Variants in MED12L observed in about 807,000 individuals in gnomAD.
MED12L encodes the protein mediator complex subunit 12L, also known as mediator of RNA polymerase II transcription subunit 12-like protein.
Under a neutral mutation model 281.3 loss-of-function variants are expected in MED12L, and 60 were observed. That is an observed-to-expected ratio of 0.21 (90% CI 0.17 to 0.26). The LOEUF (loss-of-function observed/expected upper bound fraction) is 0.26, where lower values mean the gene tolerates loss of function less well. Ranked by LOEUF, MED12L falls within the 10% of genes least tolerant of loss-of-function variation. The pLI, the probability that MED12L is intolerant of heterozygous loss-of-function variation, is 1.00. For missense variants in MED12L, 2,146 were observed against 2,680.9 expected, an observed-to-expected ratio of 0.80 and a Z score of 4.41; for synonymous variants, 974 against 987.2, an observed-to-expected ratio of 0.99 and a Z score of 0.25.
chr3:151,403,933 G>A (rs1011391027), intron 39 of MED12L, among the ~76,000 whole-genome samples: 4 of 152,120 alleles, frequency 2.6e-5, no homozygotes, highest in South Asian at 4.1e-4. Context: ...ACAGTTTATG[G>A]TATTCAGGGG....
chr3:151,389,252 C>T (rs1166302857), intron 37 of MED12L, among the ~76,000 whole-genome samples: 1 of 152,072 alleles, frequency 6.6e-6, no homozygotes, highest in Non-Finnish European at 1.5e-5. Flanking sequence ...TGAAAAAGCC[C>T]TGAAACCAAT....
intron 36 of MED12L, among the ~76,000 whole-genome samples, chr3:151,387,200 GTT>G (rs35222168): frequency 6.7e-6 from 1 of 148,810 alleles, no homozygotes. Flanking sequence ...GAGGGTAACC[GTT>G]TTTTTTTTTC....
intron 16 of MED12L, among the ~76,000 whole-genome samples, chr3:151,284,794 G>A (rs1743253317): frequency 1.3e-5 from 2 of 152,106 alleles, no homozygotes; most frequent in Admixed American, 1.3e-4. Flanking sequence ...TTTCAGTAGT[G>A]ACAGGGTTTC....
At chr3:151,128,097 GA>G in intron 5 of MED12L, 113 bp downstream of exon 5, 1 of 926,542 alleles carries the variant, frequency 1.1e-6, no homozygotes, top group South Asian at 1.6e-5. Context: ...GGTCCGTGGT[GA>G]GACTGATTTG....
At chr3:151,380,036 C>A in intron 31 of MED12L, 77 bp from the exon 32 acceptor site, 4 of 910,664 alleles carry the variant, frequency 4.4e-6, no homozygotes, top group Non-Finnish European at 5.0e-6. Flanking sequence ...AATAGTGAGG[C>A]AAAGAAATGA....
At chr3:151,179,333 GA>G (rs552675814) in intron 11 of MED12L, among the ~76,000 whole-genome samples, 15 of 146,548 alleles carry the variant, frequency 1.0e-4, no homozygotes, top group African/African-American at 9.9e-5. Context: ...GAGCCAGACC[GA>G]AAAAAAAAAG....
At chr3:151,425,461 T>C (rs1718769281) in intron 43 of MED12L, 2 of 318,300 alleles carry the variant, frequency 6.3e-6, no homozygotes, top group Admixed American at 8.0e-5. Flanking sequence ...GGTGCAGCAA[T>C]GTGATCATGG....
intron 11 of MED12L, among the ~76,000 whole-genome samples, chr3:151,177,318 A>G (rs1722167123): frequency 6.6e-6 from 1 of 152,026 alleles, no homozygotes; most frequent in African/African-American, 2.4e-5. Flanking sequence ...TGATGTGAGC[A>G]GCAGCATGGT....
chr3:151,267,929 A>T (rs960756835), intron 16 of MED12L, among the ~76,000 whole-genome samples: 1 of 152,210 alleles, frequency 6.6e-6, no homozygotes, highest in African/African-American at 2.4e-5. Context: ...TCAGTTGCTA[A>T]GTACTTAAGA....
intron 11 of MED12L, among the ~76,000 whole-genome samples, chr3:151,178,382 A>G (rs1000341608): frequency 1.4e-5 from 2 of 147,988 alleles, no homozygotes; most frequent in African/African-American, 5.3e-5. Context: ...TGAAATGTGC[A>G]TGTTACATAG....
chr3:151,338,117 A>G (rs769573028), intron 16 of MED12L: 5 of 1,614,110 alleles, frequency 3.1e-6, no homozygotes, highest in Non-Finnish European at 1.7e-6. Context: ...TAAAGAATAC[A>G]GCAATGATAA....
chr3:151,349,967 A>G, intron 16 of MED12L, 92 bp from the exon 17 acceptor site: 1 of 1,182,632 alleles, frequency 8.5e-7, no homozygotes, highest in Non-Finnish European at 1.2e-6. Flanking sequence ...GCAAGCCAGC[A>G]TGGAGGTGCT....
In MED12L at chr3:151,415,429, C is replaced by A. The variant is rs111498765; in HGVS notation, c.6298-883C>A. On this transcript the variant is annotated intron_variant, in intron 42 of 44. Coordinates refer to ENST00000687756, the MANE Select transcript of MED12L (RefSeq NM_001393769.1). ...TGATTTGGGTCCAACTTGCGTTGTTCTTGTTGGGATCATGCTACCCAGACC... is the reference window on the plus strand; with the variant it reads ...TGATTTGGGTCCAACTTGCGTTGTTATTGTTGGGATCATGCTACCCAGACC... Among the ~76,000 whole-genome samples, 1,178 of 152,324 alleles carry A rather than the reference C, an allele frequency of 7.7e-3. 7 individuals are homozygous for A. The highest frequency in any genetic ancestry group is 0.024 in the South Asian group (115 of 4,830).
chr3:151,425,665 A>C (rs1373110962), intron 43 of MED12L: 1 of 456,636 alleles, frequency 2.2e-6, no homozygotes, highest in South Asian at 1.5e-5. Flanking sequence ...GACAGTAGTA[A>C]GCTGGGTATT....
At position 151,156,246 on chromosome 3, in the gene MED12L, T is replaced by C. The variant is rs61734152; in HGVS notation, c.642T>C (p.Asp214=). The change falls in exon 6 of 45, where the codon GAT becomes GAC. Residue 214 remains aspartate, a synonymous_variant. Coordinates refer to ENST00000687756, the MANE Select transcript of MED12L (RefSeq NM_001393769.1). ...ACCACATGGCCTCCAGCACGGGCGA[T>C]GGCCCTGTCCCTGTGCCACCAGAGG... ...DFYHMASSTG[D]GPVPVPPEVE... is the part of the protein sequence containing the mutation. 3.4e-3 allele frequency: 5,443 copies of C among 1,613,726 alleles called. 126 individuals carry two copies. The African/African-American group carries it at 0.061, about 18-fold the overall frequency.
chr3:151,095,111 A>C (rs1439360596), intron 2 of MED12L, among the ~76,000 whole-genome samples: 1 of 152,232 alleles, frequency 6.6e-6, no homozygotes, highest in African/African-American at 2.4e-5. Context: ...TATATAGAGC[A>C]TTTTAAATGT....
chr3:151,096,674 A>C (rs1051998767), intron 2 of MED12L, among the ~76,000 whole-genome samples: 2 of 152,230 alleles, frequency 1.3e-5, no homozygotes, highest in Non-Finnish European at 2.9e-5. Context: ...GAAGCCATGC[A>C]TGTTTATAGC....
chr3:151,225,303 T>C (rs1424738926), intron 16 of MED12L, among the ~76,000 whole-genome samples: 1 of 152,208 alleles, frequency 6.6e-6, no homozygotes, highest in Non-Finnish European at 1.5e-5. Flanking sequence ...TCTGCTGCTA[T>C]AACAATACTA....
intron 11 of MED12L, among the ~76,000 whole-genome samples, chr3:151,177,036 A>C (rs368845202): frequency 1.3e-5 from 2 of 152,264 alleles, no homozygotes; most frequent in African/African-American, 4.8e-5. Context: ...TAGAGGCAGA[A>C]TAAAGGGGAT....
Sources: allele counts gnomAD v4.1 joint callset (sites outside exome capture counted in the v4.1 genomes callset), GRCh38; gene constraint gnomAD v4.1.1; transcripts MANE v1.5; gene names NCBI Gene and HGNC (gene_info 2026-07-23, HGNC 2026-07-21).